TRMT9B: variants seen among roughly 807,000 people sequenced by gnomAD.
TRMT9B encodes probable tRNA methyltransferase 9B.
In TRMT9B, 16 loss-of-function variants were observed where a neutral mutation model predicts 11.5. The ratio of observed to expected loss-of-function variants is 1.39; its 90% CI spans 0.94 to 2.11. The LOEUF is 2.11. Among genes scored for constraint, TRMT9B ranks in the 30% most tolerant of loss-of-function variants. TRMT9B has a pLI of 0.00. For synonymous variants in TRMT9B, 274 were observed against 192.4 expected (o/e 1.42, Z -3.51); for missense variants, 941 against 553.8 (o/e 1.70, Z -7.02).
At chr8:12,977,129 T>G (rs1804579656) in intron 1 of TRMT9B, among the ~76,000 whole-genome samples, 1 of 152,192 alleles carries the variant, frequency 6.6e-6, no homozygotes, top group South Asian at 2.1e-4. Context: ...CCTCTCCAGT[T>G]GCTGCCCTCT....
chr8:12,961,109 C>G (rs1430039136), intron 1 of TRMT9B, among the ~76,000 whole-genome samples: 1 of 152,074 alleles, frequency 6.6e-6, no homozygotes, highest in East Asian at 1.9e-4. Context: ...CCACTGCACT[C>G]CAGCCTGGTG....
chr8:13,021,679 A>T lies in TRMT9B; in HGVS notation c.1000A>T (p.Asn334Tyr). 2 of 1,613,962 alleles carry T rather than the reference A, an allele frequency of 1.2e-6. No individual in the cohort carries two copies. Among genetic ancestry groups the T allele is most frequent in the Non-Finnish European group, 1.7e-6 (2 of 1,179,882 alleles). Reference sequence around the variant, plus strand: ...AGCACCAGGCACTCTGAAACATTTAAATGGAGACCATCAAGGGGAAATGAG... The same window carrying T: ...AGCACCAGGCACTCTGAAACATTTATATGGAGACCATCAAGGGGAAATGAG... ...LRAPGTLKHL[N>Y]GDHQGEMRRN... The change falls in exon 5 of 5, where the codon AAT (asparagine) becomes TAT (tyrosine). Residue 334 changes from asparagine to tyrosine, a missense_variant. Coordinates refer to ENST00000524591, the MANE Select transcript of TRMT9B (RefSeq NM_020844.3).
Position 13,027,951 on chromosome 8 carries a change from A to G in TRMT9B, c.*5907A>G, listed in dbSNP as rs193130104. 2.3e-3 allele frequency: 389 copies of G among 167,158 alleles called. 2 individuals are homozygous for G. Among genetic ancestry groups the G allele is most frequent in the Middle Eastern group, 0.01 (3 of 296 alleles). The allele number at this position is 167,158 out of a possible 1,614,324, so 10.4% of individuals were successfully genotyped here. A position where few individuals can be genotyped will look rare whatever the true frequency, so the allele number is the denominator to read the frequency against. ...ATCTGCAACCTCAGTTATCTACAAC[A>G]CTGAGGTGCAAACATTTAAAAAGAT... On this transcript the variant is annotated 3_prime_UTR_variant, in exon 5 of 5. Coordinates refer to ENST00000524591, the MANE Select transcript of TRMT9B (RefSeq NM_020844.3).
intron 3 of TRMT9B, among the ~76,000 whole-genome samples, chr8:13,008,215 G>A (rs142300646): frequency 9.1e-4 from 139 of 152,154 alleles, no homozygotes; most frequent in South Asian, 5.4e-3. Context: ...TAACTCTTTC[G>A]TGAACAAAGC....
At chr8:12,992,243 T>C (rs1807480576) in intron 2 of TRMT9B, among the ~76,000 whole-genome samples, 1 of 152,180 alleles carries the variant, frequency 6.6e-6, no homozygotes, top group Admixed American at 6.5e-5. Flanking sequence ...ACATCACATT[T>C]CCATCTCTGC....
chr8:13,012,006 A>G (rs1811694634), intron 3 of TRMT9B: 3 of 985,314 alleles, frequency 3.0e-6, no homozygotes, highest in Non-Finnish European at 3.6e-6. Context: ...ACATGCGTAT[A>G]TACAAAATGA....
chr8:13,014,119 G>C (rs758102410), intron 4 of TRMT9B, among the ~76,000 whole-genome samples: 1 of 152,122 alleles, frequency 6.6e-6, no homozygotes, highest in African/African-American at 2.4e-5. Flanking sequence ...CTATTTCTTC[G>C]TATGCTGAGG....
chr8:12,952,191 G>T (rs2272623), intron 1 of TRMT9B: 7 of 454,450 alleles, frequency 1.5e-5, no homozygotes, highest in South Asian at 1.1e-4. Flanking sequence ...CACACCGTGC[G>T]GAAAGCGCCG....
At position 13,005,337 on chromosome 8, in the gene TRMT9B, C is replaced by CA. The variant is rs577534491; in HGVS notation, c.-1-859dup. 6.6e-5 allele frequency among the ~76,000 whole-genome samples: 10 copies of CA among 151,832 alleles called. No homozygotes were observed. The South Asian group carries it at 1.5e-3, about 22-fold the overall frequency. Reference sequence around the variant, plus strand: ...GGGAAGTGGAGATTGTTAATGGGTACAAAAAACAGAATAAGACCTAGTATT... The same window carrying CA: ...GGGAAGTGGAGATTGTTAATGGGTACAAAAAAACAGAATAAGACCTAGTATT... On this transcript the variant is annotated intron_variant, in intron 2 of 4. Coordinates refer to ENST00000524591, the MANE Select transcript of TRMT9B (RefSeq NM_020844.3).
At chr8:12,979,325 C>G (rs1010820055) in intron 1 of TRMT9B, among the ~76,000 whole-genome samples, 2 of 152,040 alleles carry the variant, frequency 1.3e-5, no homozygotes, top group Non-Finnish European at 2.9e-5. Flanking sequence ...TCTCAGTAAC[C>G]TAGAGTTTAT....
chr8:13,014,231 T>G (rs1812202396), intron 4 of TRMT9B, among the ~76,000 whole-genome samples: 1 of 152,228 alleles, frequency 6.6e-6, no homozygotes, highest in Non-Finnish European at 1.5e-5. Context: ...CAGTTGAAAC[T>G]GTTAGATCCA....
intron 1 of TRMT9B, among the ~76,000 whole-genome samples, chr8:12,946,499 A>C (rs926880806): frequency 6.6e-6 from 1 of 152,190 alleles, no homozygotes; most frequent in Non-Finnish European, 1.5e-5. Context: ...TAGAAGAAAG[A>C]AAAGGGCAGC....
chr8:12,954,670 C>T (rs1801071277), intron 1 of TRMT9B, among the ~76,000 whole-genome samples: 1 of 152,194 alleles, frequency 6.6e-6, no homozygotes, highest in African/African-American at 2.4e-5. Context: ...CATTTAAGGA[C>T]AGACTGAAGA....
intron 1 of TRMT9B, among the ~76,000 whole-genome samples, chr8:12,972,663 G>A (rs991915966): frequency 2.0e-5 from 3 of 152,034 alleles, no homozygotes; most frequent in African/African-American, 4.8e-5. Context: ...CACACAAAGC[G>A]GTGTGTAGGA....
intron 1 of TRMT9B, among the ~76,000 whole-genome samples, chr8:12,972,010 T>G (rs74813259): frequency 0.025 from 3,873 of 152,250 alleles, 56 homozygotes; most frequent in Middle Eastern, 0.058. Context: ...CTCTTTATTG[T>G]TTTCATGTTT....
intron 4 of TRMT9B, among the ~76,000 whole-genome samples, chr8:13,014,205 C>G (rs551635963): frequency 6.6e-6 from 1 of 152,336 alleles, no homozygotes; most frequent in South Asian, 2.1e-4. Context: ...AACTTGCTCT[C>G]TGATAGTCTC....
chr8:13,010,465 TG>T, intron 3 of TRMT9B: 1 of 985,036 alleles, frequency 1.0e-6, no homozygotes, highest in Non-Finnish European at 1.2e-6. Context: ...AGTCATCAGC[TG>T]TTTGATGAAT....
chr8:12,986,007 A>C (rs940767417), intron 1 of TRMT9B, among the ~76,000 whole-genome samples: 10 of 152,084 alleles, frequency 6.6e-5, no homozygotes, highest in Admixed American at 1.3e-4. Flanking sequence ...GATTACAGGC[A>C]GGTGTTACCG....
chr8:12,965,688 A>G (rs941901503), intron 1 of TRMT9B, among the ~76,000 whole-genome samples: 2 of 152,182 alleles, frequency 1.3e-5, no homozygotes, highest in African/African-American at 4.8e-5. Context: ...GGAGACAGGC[A>G]CAATGAGAGT....
Sources: allele counts gnomAD v4.1 joint callset (sites outside exome capture counted in the v4.1 genomes callset), GRCh38; gene constraint gnomAD v4.1.1; transcripts MANE v1.5; gene names NCBI Gene and HGNC (gene_info 2026-07-23, HGNC 2026-07-21).